TMEM178B: variants seen among roughly 807,000 people sequenced by gnomAD.
TMEM178B encodes transmembrane protein 178B.
TMEM178B carries 5 observed loss-of-function variants against 31.0 expected under a neutral mutation model. That is an observed-to-expected ratio of 0.16 (90% CI 0.08 to 0.34). TMEM178B has a LOEUF of 0.34. Ranked by LOEUF, TMEM178B falls within the 10% of genes least tolerant of loss-of-function variation. The probability of loss-of-function intolerance (pLI) is 1.00; values close to 1 mark genes in which losing one functional copy is unlikely to be tolerated. For synonymous variants in TMEM178B, 164 were observed against 164.0 expected, an observed-to-expected ratio of 1.00 and a Z score of 0.00; for missense variants, 275 against 400.3, an observed-to-expected ratio of 0.69 and a Z score of 2.67.
chr7:141,188,217 G>A (rs1487073697), intron 1 of TMEM178B, among the ~76,000 whole-genome samples: 1 of 152,092 alleles, frequency 6.6e-6, no homozygotes, highest in African/African-American at 2.4e-5. Context: ...ATCTTCACAC[G>A]CCCGAACTCA....
At chr7:141,462,510 G>T (rs1202909026) in intron 3 of TMEM178B, among the ~76,000 whole-genome samples, 2 of 152,074 alleles carry the variant, frequency 1.3e-5, no homozygotes, top group East Asian at 1.9e-4. Flanking sequence ...GGGCTGGAAA[G>T]ACCAGTGGAG....
intron 1 of TMEM178B, among the ~76,000 whole-genome samples, chr7:141,095,438 T>A (rs1009497378): frequency 6.6e-6 from 1 of 152,208 alleles, no homozygotes; most frequent in Non-Finnish European, 1.5e-5. Flanking sequence ...TTCCATAAAA[T>A]GTTTTTTGGA....
the TMEM178B span, among the ~76,000 whole-genome samples, chr7:141,489,098 T>G: frequency 6.6e-5 from 10 of 152,324 alleles, no homozygotes; most frequent in South Asian, 1.5e-3. Flanking sequence ...TTTGTGATCA[T>G]GTCGAATACA....
the TMEM178B span, among the ~76,000 whole-genome samples, chr7:141,503,030 A>G: frequency 6.6e-6 from 1 of 152,180 alleles, no homozygotes; most frequent in Non-Finnish European, 1.5e-5. Context: ...GGTCTGATCC[A>G]TAACCCCTCC....
intron 2 of TMEM178B, among the ~76,000 whole-genome samples, chr7:141,420,816 T>C (rs1047086556): frequency 1.3e-5 from 2 of 152,210 alleles, no homozygotes; most frequent in Non-Finnish European, 2.9e-5. Context: ...AATAATGTTC[T>C]CTTAGTTTGC....
At chr7:141,327,150 C>A (rs530679448) in intron 2 of TMEM178B, among the ~76,000 whole-genome samples, 6 of 152,216 alleles carry the variant, frequency 3.9e-5, no homozygotes, top group Admixed American at 1.3e-4. Flanking sequence ...TTTTACTATT[C>A]CTAAATTGGG....
At chr7:141,151,805 A>G (rs1795976879) in intron 1 of TMEM178B, among the ~76,000 whole-genome samples, 1 of 151,928 alleles carries the variant, frequency 6.6e-6, no homozygotes, top group South Asian at 2.1e-4. Flanking sequence ...CAGATTCAAG[A>G]CTCAGCCACA....
rs56343433 is a variant in TMEM178B at position 141,258,161 on chromosome 7, C to CATAT, written c.496+45476_496+45479dup. On this transcript the variant is annotated intron_variant, in intron 2 of 3. Coordinates refer to ENST00000565468, the MANE Select transcript of TMEM178B (RefSeq NM_001195278.2). ...CTTCTCCTTTATGCTATTATTATCT[C>CATAT]ATATATATATATATATATATATGCA... 4.6e-4 allele frequency among the ~76,000 whole-genome samples: 67 copies of CATAT among 146,856 alleles called. 1 individual carries two copies. The highest frequency in any genetic ancestry group is 1.0e-3 in the Admixed American group (15 of 14,678).
chr7:141,099,609 C>G (rs1238555270), intron 1 of TMEM178B, among the ~76,000 whole-genome samples: 1 of 152,198 alleles, frequency 6.6e-6, no homozygotes, highest in African/African-American at 2.4e-5. Flanking sequence ...TGATTTGGCA[C>G]AGGAGCTTGG....
At chr7:141,395,145 A>T (rs891881322) in intron 2 of TMEM178B, among the ~76,000 whole-genome samples, 20 of 152,226 alleles carry the variant, frequency 1.3e-4, no homozygotes, top group Admixed American at 3.9e-4. Flanking sequence ...TCCTGATTCT[A>T]GTCCCTTAGT....
intron 2 of TMEM178B, among the ~76,000 whole-genome samples, chr7:141,300,789 T>A (rs901353208): frequency 1.3e-5 from 2 of 152,188 alleles, no homozygotes; most frequent in African/African-American, 4.8e-5. Context: ...ACCCCACTAC[T>A]TCTTCCCGTT....
intron 1 of TMEM178B, among the ~76,000 whole-genome samples, chr7:141,152,774 G>A (rs1015082819): frequency 2.0e-5 from 3 of 152,172 alleles, no homozygotes; most frequent in South Asian, 2.1e-4. Context: ...TTAGACCCCC[G>A]TGGAGGCCAA....
chr7:141,390,382 A>G (rs1222351737), intron 2 of TMEM178B, among the ~76,000 whole-genome samples: 1 of 152,210 alleles, frequency 6.6e-6, no homozygotes, highest in Non-Finnish European at 1.5e-5. Context: ...TCAAGTGACA[A>G]GCTTTTTGTT....
At chr7:141,162,150 A>C (rs994943609) in intron 1 of TMEM178B, among the ~76,000 whole-genome samples, 2 of 152,192 alleles carry the variant, frequency 1.3e-5, no homozygotes, top group Admixed American at 1.3e-4. Context: ...CAGGAACTGC[A>C]GAGAAGCCTA....
Position 141,382,483 on chromosome 7 carries a change from G to A in TMEM178B, c.497-55125G>A, listed in dbSNP as rs146196755. On this transcript the variant is annotated intron_variant, in intron 2 of 3. Coordinates refer to ENST00000565468, the MANE Select transcript of TMEM178B (RefSeq NM_001195278.2). ...CCTCATAAATTACAGTTTCTGCACT[G>A]ACTGAAACACTCATAAATTATGTTT... 2.6e-5 allele frequency among the ~76,000 whole-genome samples: 4 copies of A among 152,292 alleles called. No individual in the cohort carries two copies. In the East Asian group the frequency reaches 7.7e-4, roughly 29 times the overall value.
At chr7:141,490,495 A>T in the TMEM178B span, among the ~76,000 whole-genome samples, 1 of 152,196 alleles carries the variant, frequency 6.6e-6, no homozygotes, top group African/African-American at 2.4e-5. Context: ...GCTTGGGGAG[A>T]GGCATGGAAC....
chr7:141,410,098 C>T (rs928138165), intron 2 of TMEM178B, among the ~76,000 whole-genome samples: 3 of 152,202 alleles, frequency 2.0e-5, no homozygotes, highest in Admixed American at 1.3e-4. Flanking sequence ...CTCAACATCC[C>T]CATCACCTGT....
chr7:141,510,685 C>CAAAAAAAAAAA, the TMEM178B span, among the ~76,000 whole-genome samples: 684 of 24,956 alleles, frequency 0.027, 160 homozygotes, highest in Non-Finnish European at 0.034. Context: ...AACTCCGTCT[C>CAAAAAAAAAAA]AAAAAAAAAA....
chr7:141,211,174 G>A (rs796272925), intron 1 of TMEM178B, among the ~76,000 whole-genome samples: 4 of 152,248 alleles, frequency 2.6e-5, no homozygotes, highest in African/African-American at 9.6e-5. Flanking sequence ...GGGGAATGCT[G>A]GGGACATGTG....
Sources: gnomAD v4.1 joint callset for allele counts (sites outside exome capture counted in the v4.1 genomes callset) on GRCh38, gnomAD v4.1.1 for gene constraint, MANE v1.5 for transcripts, NCBI Gene and HGNC (gene_info 2026-07-23, HGNC 2026-07-21) for gene names.